CD109: variants seen among roughly 807,000 people sequenced by gnomAD.
CD109 encodes the protein CD109 antigen.
In CD109, 149 loss-of-function variants were observed where a neutral mutation model predicts 165.8. The ratio of observed to expected loss-of-function variants is 0.90; its 90% CI spans 0.79 to 1.03. The LOEUF is 1.03. CD109 is among the 50% of genes least tolerant of loss of function. The probability of loss-of-function intolerance (pLI) is 0.00; values close to 1 mark genes in which losing one functional copy is unlikely to be tolerated. For missense variants in CD109, 1,712 were observed against 1,677.8 expected (o/e 1.02, Z -0.36); for synonymous variants, 585 against 592.1 (o/e 0.99, Z 0.18).
intron 2 of CD109, among the ~76,000 whole-genome samples, chr6:73,717,202 AG>A (rs1427647087): frequency 1.4e-5 from 2 of 145,566 alleles, no homozygotes; most frequent in Non-Finnish European, 3.0e-5. Flanking sequence ...ATTTGAAGTC[AG>A]GTAATGTGAT....
Position 73,788,549 on chromosome 6 carries a change from T to A in CD109, c.2638T>A (p.Leu880Met). 2 of 1,613,478 alleles carry A rather than the reference T, an allele frequency of 1.2e-6. No homozygotes were observed. The highest frequency in any genetic ancestry group is 1.1e-5 in the South Asian group (1 of 90,954). The stretch of plus-strand genomic sequence containing the variant: ...TAGGCTACAGAGTACCCTGAAAACT[T>A]TGAGTTTCTCATTTCCTCCTAATAC... Reference protein sequence around the residue: ...DNRLQSTLKTLSFSFPPNTVT... With the variant: ...DNRLQSTLKTMSFSFPPNTVT... Residue 880 changes from leucine (L) to methionine (M), a missense_variant, in exon 22 of 33, where the codon TTG becomes ATG. Physicochemically the swap from Leu to Met is conservative, Grantham distance 15. Coordinates refer to ENST00000287097, the MANE Select transcript of CD109 (RefSeq NM_133493.5).
At chr6:73,767,752 A>G (rs1253372113) in intron 13 of CD109, among the ~76,000 whole-genome samples, 2 of 152,212 alleles carry the variant, frequency 1.3e-5, no homozygotes, top group Non-Finnish European at 2.9e-5. Context: ...AGTGCTATCC[A>G]TGACCATGTA....
chr6:73,781,538 G>A (rs1465026432), intron 17 of CD109, among the ~76,000 whole-genome samples: 3 of 152,034 alleles, frequency 2.0e-5, no homozygotes, highest in African/African-American at 4.8e-5. Flanking sequence ...TGAAGTGAAT[G>A]CTTTCCTTTT....
intron 2 of CD109, among the ~76,000 whole-genome samples, chr6:73,700,196 C>T (rs1344486969): frequency 6.6e-6 from 1 of 152,118 alleles, no homozygotes; most frequent in Non-Finnish European, 1.5e-5. Flanking sequence ...ATCCTGCTGT[C>T]TCAGCCTCCT....
chr6:73,789,864 C>T (rs1313824533), intron 22 of CD109, among the ~76,000 whole-genome samples: 4 of 150,128 alleles, frequency 2.7e-5, no homozygotes, highest in Admixed American at 6.7e-5. Context: ...GGGGTTCAAG[C>T]GAGTCTCCTG....
intron 1 of CD109, among the ~76,000 whole-genome samples, chr6:73,696,525 C>T (rs1216534998): frequency 1.3e-5 from 2 of 152,252 alleles, no homozygotes; most frequent in African/African-American, 4.8e-5. Flanking sequence ...AGCGTCTCCC[C>T]GGCCATAACA....
At chr6:73,696,331 C>G (rs949619377) in intron 1 of CD109, 42 bp downstream of exon 1, 6 of 1,378,592 alleles carry the variant, frequency 4.4e-6, no homozygotes, top group Non-Finnish European at 5.6e-6. Context: ...GCGCGCGGGC[C>G]TGGGCCGCTC....
At chr6:73,696,375 G>A (rs1770842167) in intron 1 of CD109, 86 bp downstream of exon 1, 2 of 1,151,382 alleles carry the variant, frequency 1.7e-6, no homozygotes, top group Non-Finnish European at 2.3e-6. Flanking sequence ...GGGAGGTGGC[G>A]GCTGCTGTGC....
chr6:73,756,799 C>T, intron 6 of CD109, 117 bp downstream of exon 6: 1 of 678,344 alleles, frequency 1.5e-6, no homozygotes. Context: ...AGTTAAAATT[C>T]TGGTGTTTTT....
Position 73,803,280 on chromosome 6 carries a change from A to T in CD109, c.2939A>T (p.Tyr980Phe). The T allele has an allele frequency of 6.2e-7, 1 of 1,611,384 alleles. No homozygotes were observed. Among genetic ancestry groups the T allele is most frequent in the African/African-American group, 1.3e-5 (1 of 74,830 alleles). ...GGCTCTTTCAGTGCTTTTGGGAATT[A>T]TGACCCTTCTGGGAGCACTTGGTAA... is the stretch of plus-strand genomic sequence containing the variant. ...EDGSFSAFGN[Y>F]DPSGSTWLSA... Residue 980 changes from tyrosine to phenylalanine, a missense_variant, in exon 24 of 33, where the codon TAT (tyrosine) becomes TTT (phenylalanine). Physicochemically the swap from Tyr to Phe is conservative, Grantham distance 22. Transcript: ENST00000287097.
chr6:73,726,079 C>T (rs1255292920), intron 3 of CD109, among the ~76,000 whole-genome samples: 5 of 152,144 alleles, frequency 3.3e-5, no homozygotes, highest in South Asian at 2.1e-4. Flanking sequence ...GCAGAACCAA[C>T]TTTCTTTTTC....
At position 73,823,865 on chromosome 6, in the gene CD109, T is replaced by G. The variant is rs1776189371; in HGVS notation, c.*232T>G. On this transcript the variant is annotated 3_prime_UTR_variant, in exon 33 of 33. Transcript: ENST00000287097. Reference sequence around the variant, plus strand: ...GCAGTTGTGTGTCTATATTTTCCCCTCTCAAAATCTTTTAGAATTTTTTTG... The same window carrying G: ...GCAGTTGTGTGTCTATATTTTCCCCGCTCAAAATCTTTTAGAATTTTTTTG... 1 of 358,992 alleles carries G rather than the reference T, an allele frequency of 2.8e-6. No individual in the cohort carries two copies. Among genetic ancestry groups the G allele is most frequent in the African/African-American group, 2.1e-5 (1 of 48,380 alleles). 22.2% of individuals were successfully genotyped at this position (358,992 alleles called of 1,614,324 possible).
chr6:73,803,269 T>C lies in CD109; in HGVS notation c.2928T>C (p.Ala976=). Residue 976 remains alanine, a synonymous_variant, in exon 24 of 33, where the codon GCT becomes GCC. Transcript: ENST00000287097. Reference sequence around the variant, plus strand: ...AGAGGGAAGATGGCTCTTTCAGTGCTTTTGGGAATTATGACCCTTCTGGGA... The same window carrying C: ...AGAGGGAAGATGGCTCTTTCAGTGCCTTTGGGAATTATGACCCTTCTGGGA... ...LYQREDGSFS[A]FGNYDPSGST... is the part of the protein sequence containing the mutation. 6.2e-7 allele frequency: 1 copy of C among 1,610,828 alleles called. No individual in the cohort carries two copies. Among genetic ancestry groups the C allele is most frequent in the Non-Finnish European group, 8.5e-7 (1 of 1,179,164 alleles).
At chr6:73,710,233 C>T (rs1451580731) in intron 2 of CD109, among the ~76,000 whole-genome samples, 1 of 152,188 alleles carries the variant, frequency 6.6e-6, no homozygotes, top group African/African-American at 2.4e-5. Context: ...TGATAAGCAA[C>T]TTCAGCAAAG....
chr6:73,768,920 A>T (rs1187703814), intron 14 of CD109, among the ~76,000 whole-genome samples: 1 of 152,140 alleles, frequency 6.6e-6, no homozygotes, highest in Non-Finnish European at 1.5e-5. Flanking sequence ...TTAAATAGTG[A>T]TTTGCAGAGT....
At chr6:73,691,101 G>A (rs534888308), upstream of CD109, among the ~76,000 whole-genome samples, 19 of 152,034 alleles carry the variant, frequency 1.2e-4, no homozygotes, top group Non-Finnish European at 2.5e-4. Context: ...TCTTCTCCCC[G>A]GCCACCAGAA....
At chr6:73,695,853 G>T, upstream of CD109, 1 of 312,384 alleles carries the variant, frequency 3.2e-6, no homozygotes, top group Non-Finnish European at 6.0e-6. Flanking sequence ...TTGGTAGAGC[G>T]CTAGTGTAAA....
At chr6:73,704,805 A>C (rs1209534780) in intron 2 of CD109, among the ~76,000 whole-genome samples, 4 of 152,222 alleles carry the variant, frequency 2.6e-5, no homozygotes, top group African/African-American at 9.6e-5. Flanking sequence ...GAGGACATTC[A>C]GAGGTCCCAG....
chr6:73,682,103 T>C, the CD109 span, among the ~76,000 whole-genome samples: 1 of 152,202 alleles, frequency 6.6e-6, no homozygotes, highest in Non-Finnish European at 1.5e-5. Context: ...AAATCTCATT[T>C]CAAAACCAGT....
Sources: allele counts gnomAD v4.1 joint callset (sites outside exome capture counted in the v4.1 genomes callset), GRCh38; gene constraint gnomAD v4.1.1; transcripts MANE v1.5; gene names NCBI Gene and HGNC (gene_info 2026-07-23, HGNC 2026-07-21).